BOP1: variants seen among roughly 807,000 people sequenced by gnomAD.
BOP1 encodes ribosome biogenesis protein BOP1.
Under a neutral mutation model 82.9 loss-of-function variants are expected in BOP1, and 54 were observed. That is an observed-to-expected ratio of 0.65 (90% CI 0.52 to 0.82). The LOEUF (loss-of-function observed/expected upper bound fraction) is 0.82, where lower values mean the gene tolerates loss of function less well. Ranked by LOEUF, BOP1 falls within the 40% of genes least tolerant of loss-of-function variation. The pLI, the probability that BOP1 is intolerant of heterozygous loss-of-function variation, is 0.00. For missense variants in BOP1, 1,170 were observed against 1,072.0 expected, an observed-to-expected ratio of 1.09 and a Z score of -1.28; for synonymous variants, 566 against 451.1, an observed-to-expected ratio of 1.25 and a Z score of -3.23.
chr8:144,264,593 C>G lies in BOP1; in HGVS notation c.687G>C (p.Gly229=). 2.5e-6 allele frequency: 4 copies of G among 1,605,930 alleles called. No individual in the cohort carries two copies. The highest frequency in any genetic ancestry group is 3.4e-6 in the Non-Finnish European group (4 of 1,176,684). Residue 229 remains glycine (G), a synonymous_variant, in exon 6 of 16, where the codon GGG becomes GGC. Coordinates refer to ENST00000569669, the MANE Select transcript of BOP1 (RefSeq NM_015201.5). ...PYEPAVDFFS[G]DVMIHPVTNR... ...TGGTCACCGGGTGGATCATGACGTC[C>G]CCGCTGAAGAAGTCGACAGCCGGCT...
intron 1 of BOP1, among the ~76,000 whole-genome samples, chr8:144,290,370 G>A (rs1588613013): frequency 6.6e-6 from 1 of 151,688 alleles, no homozygotes; most frequent in Non-Finnish European, 1.5e-5. Context: ...GAAAGAAAAG[G>A]AAAAGAAAAG....
Position 144,264,724 on chromosome 8 carries a change from T to C in BOP1, c.653A>G (p.Asn218Ser), listed in dbSNP as rs1396137305. Residue 218 changes from asparagine (N) to serine (S), a missense_variant, in exon 5 of 16, where the codon AAC (asparagine) becomes AGC (serine). By Grantham distance (46) the Asn-to-Ser change is conservative (BLOSUM62 1). Coordinates refer to ENST00000569669, the MANE Select transcript of BOP1 (RefSeq NM_015201.5). ...QSGQFGDVGF[N>S]PYEPAVDFFS... ...GCCCCTGCCACCTACCTCATAGGGG[T>C]TGAAGCCCACATCCCCAAACTGGCC... The C allele has an allele frequency of 6.3e-6, 10 of 1,576,220 alleles. No individual in the cohort carries two copies. Among genetic ancestry groups the C allele is most frequent in the Non-Finnish European group, 7.7e-6 (9 of 1,161,828 alleles).
At chr8:144,270,781 C>G (rs1845479659) in intron 3 of BOP1, among the ~76,000 whole-genome samples, 1 of 152,144 alleles carries the variant, frequency 6.6e-6, no homozygotes, top group Non-Finnish European at 1.5e-5. Flanking sequence ...GAGTGCTGGC[C>G]TCACCTCCAC....
intron 2 of BOP1, among the ~76,000 whole-genome samples, chr8:144,278,848 C>G (rs1275560606): frequency 2.0e-5 from 3 of 152,222 alleles, no homozygotes; most frequent in Non-Finnish European, 4.4e-5. Context: ...AACGACTCAT[C>G]AACAGGTACC....
At chr8:144,271,764 G>A (rs1845496792) in intron 3 of BOP1, among the ~76,000 whole-genome samples, 1 of 152,106 alleles carries the variant, frequency 6.6e-6, no homozygotes, top group Non-Finnish European at 1.5e-5. Flanking sequence ...CCAGCCCAAG[G>A]TGGGGCCCCA....
rs12541741 is a variant in BOP1, at chr8:144,286,445, C to T, written c.309+2650G>A. Among the ~76,000 whole-genome samples, 10 of 117,506 alleles carry T rather than the reference C, an allele frequency of 8.5e-5. No homozygotes were observed. The East Asian group carries it at 1.1e-3, about 13-fold the overall frequency. The allele number at this position is 117,506 out of a possible 152,430, so 77.1% of individuals were successfully genotyped here. A position where few individuals can be genotyped will look rare whatever the true frequency, so the allele number is the denominator to read the frequency against. On this transcript the variant is annotated intron_variant, in intron 2 of 15. Coordinates refer to ENST00000569669, the MANE Select transcript of BOP1 (RefSeq NM_015201.5). ...GGCCCCTCAGCTAAAGCACAGGACA[C>T]GCGGGCAGGTGCATGGGCGCCACGG...
In BOP1 at chr8:144,262,949, G is replaced by T; in HGVS notation, c.1798C>A (p.Arg600Ser). ...AGCAGGTGGTAGAGGCGGACGCTGC[G>T]CTGGGACGCCACCAACAGGAAGGGC... is the stretch of plus-strand genomic sequence containing the variant. Reference protein sequence around the residue: ...ARPFLLVASQRSVRLYHLLRQ... With the variant: ...ARPFLLVASQSSVRLYHLLRQ... Residue 600 changes from arginine (R) to serine (S), a missense_variant, in exon 13 of 16, where the codon CGC (arginine) becomes AGC (serine). Physicochemically the swap from Arg to Ser is moderately radical, Grantham distance 110. Coordinates refer to ENST00000569669, the MANE Select transcript of BOP1 (RefSeq NM_015201.5). 1 of 1,546,988 alleles carries T rather than the reference G, an allele frequency of 6.5e-7. No individual in the cohort carries two copies.
Position 144,262,970 on chromosome 8 carries a change from A to C in BOP1, c.1777T>G (p.Phe593Val). 1 of 1,549,424 alleles carries C rather than the reference A, an allele frequency of 6.5e-7. No homozygotes were observed. The highest frequency in any genetic ancestry group is 1.4e-5 in the African/African-American group (1 of 73,840). The change falls in exon 13 of 16, where the codon TTC becomes GTC. Residue 593 changes from phenylalanine (F) to valine (V), a missense_variant. Transcript: ENST00000569669. ...QRVAFHPARP[F>V]LLVASQRSVR... Reference sequence around the variant, plus strand: ...CTGCGCTGGGACGCCACCAACAGGAAGGGCCGGGCAGGGTGGAAGGCCACT... The same window carrying C: ...CTGCGCTGGGACGCCACCAACAGGACGGGCCGGGCAGGGTGGAAGGCCACT...
In BOP1 at chr8:144,264,770, G is replaced by A; in HGVS notation, c.607C>T (p.Leu203=). ...DLRLTDEQVA[L]VRRLQSGQFG... ...TGGCCACTCTGCAGCCGCCGCACCA[G>A]GGCCACCTGCTCATCCGTCAGTCTC... is the stretch of plus-strand genomic sequence containing the variant. Residue 203 remains leucine, a synonymous_variant, in exon 5 of 16, where the codon CTG becomes TTG. Coordinates refer to ENST00000569669, the MANE Select transcript of BOP1 (RefSeq NM_015201.5). The A allele has an allele frequency of 6.2e-7, 1 of 1,605,354 alleles. No individual in the cohort carries two copies. The highest frequency in any genetic ancestry group is 8.5e-7 in the Non-Finnish European group (1 of 1,177,280).
intron 1 of BOP1, among the ~76,000 whole-genome samples, chr8:144,289,785 G>C (rs921178721): frequency 6.6e-6 from 1 of 152,226 alleles, no homozygotes; most frequent in Non-Finnish European, 1.5e-5. Context: ...GGCTGGAAGA[G>C]AAATGGGTCC....
chr8:144,264,771 G>T lies in BOP1; in HGVS notation c.606C>A (p.Ala202=). The T allele has an allele frequency of 6.2e-7, 1 of 1,605,618 alleles. No homozygotes were observed. The highest frequency in any genetic ancestry group is 8.5e-7 in the Non-Finnish European group (1 of 1,177,434). ...GGCCACTCTGCAGCCGCCGCACCAG[G>T]GCCACCTGCTCATCCGTCAGTCTCA... ...RDLRLTDEQV[A]LVRRLQSGQF... The change falls in exon 5 of 16, where the codon GCC becomes GCA. Residue 202 remains alanine, a synonymous_variant. Coordinates refer to ENST00000569669, the MANE Select transcript of BOP1 (RefSeq NM_015201.5).
intron 2 of BOP1, among the ~76,000 whole-genome samples, chr8:144,280,167 A>G (rs1845646245): frequency 6.6e-6 from 1 of 152,238 alleles, no homozygotes; most frequent in Non-Finnish European, 1.5e-5. Flanking sequence ...CATGGGGGCC[A>G]AGAAGCTTGG....
intron 2 of BOP1, among the ~76,000 whole-genome samples, chr8:144,280,457 C>T (rs587599924): frequency 5.2e-5 from 8 of 152,392 alleles, no homozygotes; most frequent in East Asian, 3.9e-4. Context: ...TGCAGCAACG[C>T]GGCCTGCCAC....
chr8:144,268,233 T>A, intron 3 of BOP1: 1 of 1,523,116 alleles, frequency 6.6e-7, no homozygotes, highest in Non-Finnish European at 8.9e-7. Flanking sequence ...GGACCTGAGC[T>A]GGGCAAGGCC....
Position 144,289,299 on chromosome 8 carries a change from G to A in BOP1, c.105C>T (p.Pro35=), listed in dbSNP as rs782597888. The A allele has an allele frequency of 8.7e-6, 14 of 1,613,694 alleles. No individual in the cohort carries two copies. The highest frequency in any genetic ancestry group is 4.0e-5 in the African/African-American group (3 of 75,008). ...ELEPEPEPEP[P]LLCTSPLSHS... ...GGCTGAGAGGAGAGGTGCAGAGGAG[G>A]GGGGGCTGCAAGGAAACACTGGGTT... The change falls in exon 2 of 16, where the codon CCC becomes CCT. Residue 35 remains proline (P), a synonymous_variant. Coordinates refer to ENST00000569669, the MANE Select transcript of BOP1 (RefSeq NM_015201.5).
chr8:144,291,241 G>T lies in BOP1; in HGVS notation c.99+31C>A, dbSNP rs1215300612. ...CGTGCCCGCCGGGCCCTCTAGGGAC[G>T]CGCCCCGCCGCCCCGCATCGCCACA... On this transcript the variant is annotated intron_variant, in intron 1 of 15. Coordinates refer to ENST00000569669, the MANE Select transcript of BOP1 (RefSeq NM_015201.5). This position sits in a 1 kb window ranked among gnomAD's most constrained non-coding sequence, Gnocchi z 4.1. 1.4e-6 allele frequency: 2 copies of T among 1,437,612 alleles called. No homozygotes were observed. The allele number at this position is 1,437,612 out of a possible 1,614,324, so 89.1% of individuals were successfully genotyped here.
At chr8:144,286,795 C>A (rs1205870144) in intron 2 of BOP1, among the ~76,000 whole-genome samples, 4 of 152,182 alleles carry the variant, frequency 2.6e-5, no homozygotes. Flanking sequence ...CCACAGACAG[C>A]GGTACTTTGG....
chr8:144,268,291 G>A (rs1845428171), intron 3 of BOP1: 1 of 1,179,590 alleles, frequency 8.5e-7, no homozygotes, highest in Non-Finnish European at 1.2e-6. Context: ...GCGGGGCCGA[G>A]GGACAGACGG....
At chr8:144,267,139 A>G in intron 3 of BOP1, 1 of 1,521,928 alleles carries the variant, frequency 6.6e-7, no homozygotes, top group Non-Finnish European at 8.7e-7. Context: ...CACCCAGCCC[A>G]AACAGATCTG....
Sources: allele counts gnomAD v4.1 joint callset (sites outside exome capture counted in the v4.1 genomes callset), GRCh38; gene constraint gnomAD v4.1.1; non-coding constraint Gnocchi (gnomAD v3.1); transcripts MANE v1.5; gene names NCBI Gene and HGNC (gene_info 2026-07-23, HGNC 2026-07-21).